The following TUSC3 variants were observed in gnomAD, a reference collection of about 807,000 sequenced individuals.
The protein encoded by TUSC3 is dolichyl-diphosphooligosaccharide--protein glycosyltransferase subunit TUSC3.
A neutral mutation model predicts 44.8 loss-of-function variants in TUSC3; 45 were observed. The ratio of observed to expected loss-of-function variants is 1.00; its 90% CI spans 0.79 to 1.29. The LOEUF (loss-of-function observed/expected upper bound fraction) is 1.29. TUSC3 is among the 50% of genes most tolerant of loss of function. The pLI is 0.00. For synonymous variants in TUSC3, 212 were observed against 152.9 expected, an observed-to-expected ratio of 1.39 and a Z score of -2.85; for missense variants, 519 against 437.9, an observed-to-expected ratio of 1.19 and a Z score of -1.65.
the TUSC3 span, among the ~76,000 whole-genome samples, chr8:15,796,876 A>G: frequency 2.0e-4 from 30 of 152,130 alleles, no homozygotes; most frequent in Non-Finnish European, 2.9e-4. Context: ...CCGCTGCCCA[A>G]TGTGGATATC....
At chr8:15,458,069 A>G (rs1030629371) in intron 1 of TUSC3, among the ~76,000 whole-genome samples, 1 of 152,072 alleles carries the variant, frequency 6.6e-6, no homozygotes, top group Non-Finnish European at 1.5e-5. Context: ...TAGATGCGTT[A>G]ACATTATATC....
At chr8:15,657,416 C>G (rs554914227) in intron 3 of TUSC3, among the ~76,000 whole-genome samples, 7 of 152,228 alleles carry the variant, frequency 4.6e-5, no homozygotes, top group South Asian at 4.1e-4. Flanking sequence ...TCTATAAAGT[C>G]CTAGGACACA....
chr8:15,778,893 T>TA, the TUSC3 span, among the ~76,000 whole-genome samples: 1 of 152,166 alleles, frequency 6.6e-6, no homozygotes, highest in Non-Finnish European at 1.5e-5. Context: ...ATGAGGCACT[T>TA]AGAGTTTTCT....
chr8:15,579,094 T>A (rs557488919), intron 1 of TUSC3, among the ~76,000 whole-genome samples: 1 of 152,206 alleles, frequency 6.6e-6, no homozygotes, highest in Non-Finnish European at 1.5e-5. Flanking sequence ...ATTTTCTAGT[T>A]TATTTGCGTA....
In TUSC3 at chr8:15,484,728, T is replaced by G. The variant is rs559706405; in HGVS notation, n.189+1245T>G. ...TGGCGCAGAGTCAGAAAACTGAATT[T>G]AAGCTGAAACTGCGCAAAGCAATTT... is the stretch of plus-strand genomic sequence containing the variant. On this transcript the variant is annotated intron_variant and non_coding_transcript_variant, in intron 2 of 5. Coordinates refer to the TUSC3 transcript ENST00000503191. Among the ~76,000 whole-genome samples, 14 of 152,342 alleles carry G rather than the reference T, an allele frequency of 9.2e-5. No individual in the cohort carries two copies. In the East Asian group the frequency reaches 2.5e-3, roughly 27 times the overall value.
chr8:15,490,945 C>G (rs1224393176), intron 2 of TUSC3, among the ~76,000 whole-genome samples: 1 of 152,138 alleles, frequency 6.6e-6, no homozygotes, highest in Non-Finnish European at 1.5e-5. Context: ...TACAGTGCTC[C>G]ATGCTTTCTT....
intron 10 of TUSC3, among the ~76,000 whole-genome samples, chr8:15,759,654 G>T (rs1175856721): frequency 6.6e-6 from 1 of 151,928 alleles, no homozygotes; most frequent in Admixed American, 6.6e-5. Context: ...TAGTTGACAA[G>T]CCCCTCTTGG....
intron 2 of TUSC3, among the ~76,000 whole-genome samples, chr8:15,500,106 T>C (rs571901605): frequency 6.6e-6 from 1 of 152,312 alleles, no homozygotes; most frequent in African/African-American, 2.4e-5. Context: ...TTACCTTGAC[T>C]GTCTTTCATT....
chr8:15,451,267 C>T (rs981297111), intron 1 of TUSC3, among the ~76,000 whole-genome samples: 2 of 152,106 alleles, frequency 1.3e-5, no homozygotes, highest in Admixed American at 1.3e-4. Context: ...GCTCCTGAAA[C>T]CCTGGAATCC....
At chr8:15,723,267 G>A (rs1381084144) in intron 6 of TUSC3, among the ~76,000 whole-genome samples, 1 of 152,114 alleles carries the variant, frequency 6.6e-6, no homozygotes, top group African/African-American at 2.4e-5. Context: ...GCTAAACGAT[G>A]TCCTGCAACT....
chr8:15,737,686 C>A (rs897013761), intron 7 of TUSC3, among the ~76,000 whole-genome samples: 1 of 152,042 alleles, frequency 6.6e-6, no homozygotes, highest in African/African-American at 2.4e-5. Flanking sequence ...CAAAGCTAGA[C>A]GGCTACACCC....
intron 9 of TUSC3, 59 bp downstream of exon 9, chr8:15,748,524 G>A (rs1811522252): frequency 4.4e-6 from 6 of 1,373,780 alleles, no homozygotes; most frequent in African/African-American, 1.4e-5. Context: ...CAGAGTTTCA[G>A]TGGTTAATAT....
chr8:15,694,369 G>C (rs1157504820), intron 6 of TUSC3, among the ~76,000 whole-genome samples: 2 of 150,306 alleles, frequency 1.3e-5, no homozygotes, highest in Non-Finnish European at 2.9e-5. Context: ...TTGAACCTGG[G>C]AGGCTGCAAT....
At chr8:15,658,360 A>G (rs1259031996) in intron 3 of TUSC3, among the ~76,000 whole-genome samples, 2 of 152,170 alleles carry the variant, frequency 1.3e-5, no homozygotes, top group Admixed American at 6.5e-5. Context: ...TGCTGTAGTC[A>G]GAGTTCATTT....
chr8:15,572,138 G>A (rs1004498492), intron 1 of TUSC3, among the ~76,000 whole-genome samples: 2 of 152,100 alleles, frequency 1.3e-5, no homozygotes, highest in East Asian at 1.9e-4. Context: ...CCATGGCATC[G>A]CCTTCCAGTA....
chr8:15,701,536 G>A (rs902042179), intron 6 of TUSC3, among the ~76,000 whole-genome samples: 1 of 152,108 alleles, frequency 6.6e-6, no homozygotes, highest in African/African-American at 2.4e-5. Context: ...TTTGGGGGTT[G>A]TTTGATGGTT....
At chr8:15,729,660 T>G (rs1239040584) in intron 6 of TUSC3, among the ~76,000 whole-genome samples, 1 of 152,048 alleles carries the variant, frequency 6.6e-6, no homozygotes, top group Non-Finnish European at 1.5e-5. Flanking sequence ...AGCTAAACAT[T>G]GAGTACACAT....
At chr8:15,502,756 G>T (rs1800984928) in intron 2 of TUSC3, among the ~76,000 whole-genome samples, 1 of 152,160 alleles carries the variant, frequency 6.6e-6, no homozygotes, top group Admixed American at 6.5e-5. Context: ...CTCCCAAAGT[G>T]CTGGGATTAC....
chr8:15,656,986 G>C (rs1470068905), intron 3 of TUSC3, among the ~76,000 whole-genome samples: 1 of 152,164 alleles, frequency 6.6e-6, no homozygotes, highest in Non-Finnish European at 1.5e-5. Context: ...GAGCACTACA[G>C]CAGTATGCAG....
Sources: allele counts gnomAD v4.1 joint callset (sites outside exome capture counted in the v4.1 genomes callset), GRCh38; gene constraint gnomAD v4.1.1; transcripts MANE v1.5; gene names NCBI Gene and HGNC (gene_info 2026-07-23, HGNC 2026-07-21).